Variants in LRRTM4 observed in about 807,000 individuals in gnomAD.
LRRTM4 encodes leucine rich repeat transmembrane neuronal 4.
LRRTM4 carries 25 observed loss-of-function variants against 47.6 expected under a neutral mutation model. The observed-to-expected ratio is 0.53, with a 90% confidence interval of 0.38 to 0.73. The LOEUF is 0.73. LRRTM4 is among the 30% of genes least tolerant of loss of function. LRRTM4 has a pLI of 0.00. For missense variants in LRRTM4, 638 were observed against 713.4 expected (o/e 0.89, Z 1.20); for synonymous variants, 311 against 269.5 (o/e 1.15, Z -1.51).
At chr2:76,861,324 GTTTT>G (rs533831636) in intron 3 of LRRTM4, among the ~76,000 whole-genome samples, 1 of 151,710 alleles carries the variant, frequency 6.6e-6, no homozygotes, top group Non-Finnish European at 1.5e-5. Flanking sequence ...ATTATTTTTA[GTTTT>G]TTTTAAACTG....
chr2:77,241,378 CA>C (rs1169618766), intron 3 of LRRTM4, among the ~76,000 whole-genome samples: 2 of 152,006 alleles, frequency 1.3e-5, no homozygotes, highest in African/African-American at 4.8e-5. Context: ...CAAAATATCT[CA>C]ATGCATACCT....
In LRRTM4 at chr2:77,363,169, T is replaced by C. The variant is rs185300244; in HGVS notation, c.1551+155149A>G. Among the ~76,000 whole-genome samples the C allele has an allele frequency of 4.3e-4, 65 of 152,330 alleles. 1 individual carries two copies. Among genetic ancestry groups the C allele is most frequent in the Middle Eastern group, 6.8e-3 (2 of 294 alleles). ...GTGTTATTTGTCCCTTTAGAATTTA[T>C]ACTATCTCCATAATTAAAATTCACA... On this transcript the variant is annotated intron_variant, in intron 3 of 3. Coordinates refer to ENST00000409884, the MANE Select transcript of LRRTM4 (RefSeq NM_001134745.3).
chr2:77,013,926 T>A (rs1677962967), intron 3 of LRRTM4, among the ~76,000 whole-genome samples: 2 of 152,232 alleles, frequency 1.3e-5, no homozygotes, highest in African/African-American at 2.4e-5. Flanking sequence ...AAAATTAAGA[T>A]CATTGTATCC....
At chr2:77,467,530 C>T (rs1361987745) in intron 3 of LRRTM4, among the ~76,000 whole-genome samples, 1 of 152,164 alleles carries the variant, frequency 6.6e-6, no homozygotes, top group African/African-American at 2.4e-5. Context: ...TATGAGTGCA[C>T]ATGTGTACAT....
chr2:76,997,466 T>C (rs1406056543), intron 3 of LRRTM4, among the ~76,000 whole-genome samples: 2 of 152,094 alleles, frequency 1.3e-5, no homozygotes, highest in African/African-American at 4.8e-5. Context: ...ACTGATGAAA[T>C]ATGAATCTGA....
chr2:76,850,864 A>T (rs1001152662), intron 3 of LRRTM4, among the ~76,000 whole-genome samples: 1 of 152,170 alleles, frequency 6.6e-6, no homozygotes, highest in Non-Finnish European at 1.5e-5. Flanking sequence ...AAACTAGAGA[A>T]AGTTAGAAAT....
intron 3 of LRRTM4, among the ~76,000 whole-genome samples, chr2:77,102,286 C>T (rs1670975353): frequency 1.3e-5 from 2 of 152,190 alleles, no homozygotes; most frequent in Admixed American, 6.5e-5. Context: ...CGTGTTGCTT[C>T]CCCATTCCTC....
At chr2:76,883,447 T>G (rs1672986811) in intron 3 of LRRTM4, among the ~76,000 whole-genome samples, 1 of 152,154 alleles carries the variant, frequency 6.6e-6, no homozygotes, top group Non-Finnish European at 1.5e-5. Flanking sequence ...GCCCTCCCTC[T>G]TTAGACCTCA....
intron 3 of LRRTM4, among the ~76,000 whole-genome samples, chr2:76,864,819 C>CG (rs1232806980): frequency 1.4e-5 from 2 of 144,232 alleles, no homozygotes; most frequent in Admixed American, 1.4e-4. Context: ...TTCAACCTCC[C>CG]GGGCTCAAGT....
Position 77,412,087 on chromosome 2 carries a change from A to G in LRRTM4, c.1551+106231T>C, listed in dbSNP as rs1306840810. Reference sequence around the variant, plus strand: ...TTAAGAATGGACCACTTGTCCCTGAATTCCACAGGCTGAGTTCTACCTTTG... The same window carrying G: ...TTAAGAATGGACCACTTGTCCCTGAGTTCCACAGGCTGAGTTCTACCTTTG... On this transcript the variant is annotated intron_variant, in intron 3 of 3. Coordinates refer to ENST00000409884, the MANE Select transcript of LRRTM4 (RefSeq NM_001134745.3). Among the ~76,000 whole-genome samples the G allele has an allele frequency of 5.3e-5, 8 of 151,762 alleles. No individual in the cohort carries two copies. In the East Asian group the frequency reaches 1.6e-3, roughly 30 times the overall value.
chr2:77,133,667 G>A (rs1350351834), intron 3 of LRRTM4, among the ~76,000 whole-genome samples: 7 of 152,122 alleles, frequency 4.6e-5, no homozygotes, highest in Non-Finnish European at 8.8e-5. Flanking sequence ...GATGTTGGAT[G>A]AAATAAATAA....
At chr2:76,816,389 A>C (rs990374294) in intron 3 of LRRTM4, among the ~76,000 whole-genome samples, 1 of 151,984 alleles carries the variant, frequency 6.6e-6, no homozygotes, top group Non-Finnish European at 1.5e-5. Flanking sequence ...ACTGCTCATC[A>C]CAAGTATCCA....
chr2:76,957,395 T>C (rs1019540709), intron 3 of LRRTM4, among the ~76,000 whole-genome samples: 3 of 151,736 alleles, frequency 2.0e-5, no homozygotes, highest in Non-Finnish European at 4.4e-5. Flanking sequence ...AAGGTGAATG[T>C]CATATTATAT....
intron 3 of LRRTM4, among the ~76,000 whole-genome samples, chr2:77,263,328 G>T (rs1675968634): frequency 6.6e-6 from 1 of 152,038 alleles, no homozygotes; most frequent in South Asian, 2.1e-4. Context: ...GGTGAATTGT[G>T]GTTTTGAGTT....
intron 3 of LRRTM4, among the ~76,000 whole-genome samples, chr2:76,854,529 C>G (rs1359491005): frequency 6.6e-6 from 1 of 151,892 alleles, no homozygotes; most frequent in Non-Finnish European, 1.5e-5. Flanking sequence ...TCTCTGAGGG[C>G]AAAAAACAAA....
At position 76,779,239 on chromosome 2, in the gene LRRTM4, T is replaced by G. The variant is rs1052786369; in HGVS notation, c.1552-30323A>C. 8.9e-4 allele frequency among the ~76,000 whole-genome samples: 136 copies of G among 151,962 alleles called. 1 individual carries two copies. The highest frequency in any genetic ancestry group is 1.4e-3 in the Non-Finnish European group (97 of 68,000). The stretch of plus-strand genomic sequence containing the variant: ...GTGCTGAAAAAAATGTATATTGTGT[T>G]GATTTGGGGTGGAGAGTTCTGTAGA... On this transcript the variant is annotated intron_variant, in intron 3 of 3. Coordinates refer to ENST00000409884, the MANE Select transcript of LRRTM4 (RefSeq NM_001134745.3).
At chr2:77,175,869 G>A (rs1673181959) in intron 3 of LRRTM4, among the ~76,000 whole-genome samples, 1 of 152,056 alleles carries the variant, frequency 6.6e-6, no homozygotes, top group Non-Finnish European at 1.5e-5. Context: ...ATGTTGGCCA[G>A]GCTGGTCTCG....
intron 3 of LRRTM4, among the ~76,000 whole-genome samples, chr2:76,818,702 C>T (rs151159603): frequency 3.3e-5 from 5 of 151,756 alleles, no homozygotes; most frequent in Non-Finnish European, 7.4e-5. Flanking sequence ...CAAGTTCACT[C>T]ATATATCACC....
intron 3 of LRRTM4, among the ~76,000 whole-genome samples, chr2:77,355,971 T>C (rs1310108803): frequency 6.6e-6 from 1 of 152,166 alleles, no homozygotes; most frequent in Admixed American, 6.5e-5. Flanking sequence ...CATGTGCCTG[T>C]AGTCCCAGCT....
Sources: gnomAD v4.1 joint callset for allele counts (sites outside exome capture counted in the v4.1 genomes callset) on GRCh38, gnomAD v4.1.1 for gene constraint, MANE v1.5 for transcripts, NCBI Gene and HGNC (gene_info 2026-07-23, HGNC 2026-07-21) for gene names.